Variants in KLRG2 observed in about 807,000 individuals in gnomAD.
KLRG2 encodes killer cell lectin-like receptor subfamily G member 2.
In KLRG2, 39 loss-of-function variants were observed where a neutral mutation model predicts 35.4. That is an observed-to-expected ratio of 1.10 (90% CI 0.85 to 1.44). KLRG2 has a LOEUF of 1.44. Ranked by LOEUF, KLRG2 falls within the 40% of genes most tolerant of loss-of-function variation. The probability of loss-of-function intolerance (pLI) is 0.00; values close to 1 mark genes in which losing one functional copy is unlikely to be tolerated. For missense variants in KLRG2, 632 were observed against 570.9 expected, an observed-to-expected ratio of 1.11 and a Z score of -1.09; for synonymous variants, 283 against 265.8, an observed-to-expected ratio of 1.06 and a Z score of -0.63.
At chr7:139,458,568 C>G (rs1351450732) in intron 3 of KLRG2, among the ~76,000 whole-genome samples, 1 of 152,176 alleles carries the variant, frequency 6.6e-6, no homozygotes, top group African/African-American at 2.4e-5. Flanking sequence ...TCCCCATCCC[C>G]CGCTGCACTG....
intron 3 of KLRG2, among the ~76,000 whole-genome samples, chr7:139,472,596 G>A (rs1186780051): frequency 1.3e-5 from 2 of 150,082 alleles, no homozygotes; most frequent in South Asian, 2.1e-4. Flanking sequence ...AAAAAAAAAA[G>A]AATGGGAAGA....
chr7:139,462,196 G>T (rs1796580536), intron 3 of KLRG2, among the ~76,000 whole-genome samples: 1 of 152,124 alleles, frequency 6.6e-6, no homozygotes, highest in Non-Finnish European at 1.5e-5. Context: ...TCTTCCCTTG[G>T]TGTTTAATCA....
In KLRG2 at chr7:139,453,419, T is replaced by C. The variant is rs1315129925; in HGVS notation, c.*168A>G. On this transcript the variant is annotated 3_prime_UTR_variant, in exon 5 of 5. Transcript: ENST00000340940. ...AAATCTCCTTTCCCTCGGATGCATCTTCCTGGGTTGAAGTCCAGCTCCTAG... is the reference window on the plus strand; with the variant it reads ...AAATCTCCTTTCCCTCGGATGCATCCTCCTGGGTTGAAGTCCAGCTCCTAG... 1.5e-6 allele frequency: 1 copy of C among 645,908 alleles called. No individual in the cohort carries two copies. Among genetic ancestry groups the C allele is most frequent in the African/African-American group, 1.8e-5 (1 of 54,198 alleles). The allele number at this position is 645,908 out of a possible 1,614,324, so 40.0% of individuals were successfully genotyped here.
chr7:139,435,761 G>A, the KLRG2 span, among the ~76,000 whole-genome samples: 5 of 152,336 alleles, frequency 3.3e-5, no homozygotes, highest in Middle Eastern at 3.4e-3. Flanking sequence ...CGTGCTGTGT[G>A]CATCAGCACA....
At chr7:139,450,882 C>T (rs886913812), downstream of KLRG2, among the ~76,000 whole-genome samples, 1 of 152,150 alleles carries the variant, frequency 6.6e-6, no homozygotes, top group Non-Finnish European at 1.5e-5. Flanking sequence ...CCATGTGACA[C>T]TGGGTGACTT....
chr7:139,466,819 T>G (rs1796664961), intron 3 of KLRG2, among the ~76,000 whole-genome samples: 1 of 150,250 alleles, frequency 6.7e-6, no homozygotes, highest in Non-Finnish European at 1.5e-5. Context: ...TAAATCAATC[T>G]GGCCTGGTAT....
At chr7:139,458,611 T>C (rs1000375181) in intron 3 of KLRG2, among the ~76,000 whole-genome samples, 14 of 152,174 alleles carry the variant, frequency 9.2e-5, no homozygotes, top group African/African-American at 3.4e-4. Flanking sequence ...TCTTCATCCA[T>C]GTCTGTTTTA....
chr7:139,473,557 G>A (rs1306989599), intron 3 of KLRG2, among the ~76,000 whole-genome samples: 1 of 151,996 alleles, frequency 6.6e-6, no homozygotes, highest in African/African-American at 2.4e-5. Flanking sequence ...CAACATTTGA[G>A]GAAATTTTCT....
the KLRG2 span, among the ~76,000 whole-genome samples, chr7:139,446,623 G>A: frequency 2.6e-5 from 4 of 152,090 alleles, no homozygotes; most frequent in African/African-American, 9.7e-5. Context: ...TTACAGGCGT[G>A]AGCCACCGCG....
chr7:139,444,447 G>T, the KLRG2 span, among the ~76,000 whole-genome samples: 1 of 152,180 alleles, frequency 6.6e-6, no homozygotes, highest in Non-Finnish European at 1.5e-5. Flanking sequence ...CTCCCAAATT[G>T]CTGGTATTAC....
At chr7:139,435,958 A>G in the KLRG2 span, among the ~76,000 whole-genome samples, 30 of 151,376 alleles carry the variant, frequency 2.0e-4, no homozygotes, top group South Asian at 4.2e-4. Context: ...CTGGAGTGCA[A>G]TGGCACAATC....
chr7:139,430,193 G>A, the KLRG2 span, among the ~76,000 whole-genome samples: 2 of 151,746 alleles, frequency 1.3e-5, no homozygotes, highest in African/African-American at 2.4e-5. Context: ...ACCTGAGGTC[G>A]GGAGTTCGAG....
chr7:139,430,350 C>T, the KLRG2 span, among the ~76,000 whole-genome samples: 25 of 151,482 alleles, frequency 1.7e-4, no homozygotes, highest in African/African-American at 5.8e-4. Flanking sequence ...TGTGGTGAGC[C>T]GAGATTGAGC....
chr7:139,458,851 G>A (rs950621394), intron 3 of KLRG2, among the ~76,000 whole-genome samples: 1 of 152,190 alleles, frequency 6.6e-6, no homozygotes, highest in African/African-American at 2.4e-5. Flanking sequence ...GATGAGCCAC[G>A]TCTATCCTGT....
chr7:139,438,331 A>G, the KLRG2 span, among the ~76,000 whole-genome samples: 2 of 152,160 alleles, frequency 1.3e-5, no homozygotes, highest in Non-Finnish European at 2.9e-5. Flanking sequence ...TCCTGGGCTC[A>G]AGTGATCCTC....
chr7:139,483,184 C>T lies in KLRG2; in HGVS notation c.459G>A (p.Val153=). The change falls in exon 1 of 5, where the codon GTG becomes GTA. Residue 153 remains valine, a synonymous_variant. Coordinates refer to ENST00000340940, the MANE Select transcript of KLRG2 (RefSeq NM_198508.4). The part of the protein sequence containing the change: ...SPRPSTRFLK[V]PVPESPAFSR... ...AGAAGGCAGGGGACTCGGGCACCGG[C>T]ACCTTGAGGAAGCGCGTGGAGGGCC... is the stretch of plus-strand genomic sequence containing the variant. The T allele has an allele frequency of 1.3e-6, 2 of 1,509,252 alleles. No homozygotes were observed. The highest frequency in any genetic ancestry group is 2.8e-5 in the East Asian group (1 of 36,048). 93.5% of individuals were successfully genotyped at this position (1,509,252 alleles called of 1,614,324 possible). A position where few individuals can be genotyped will look rare whatever the true frequency, so the allele number is the denominator to read the frequency against.
chr7:139,445,097 G>A, the KLRG2 span, among the ~76,000 whole-genome samples: 607 of 142,460 alleles, frequency 4.3e-3, 6 homozygotes, highest in African/African-American at 0.015. Context: ...TTTTTTTTTC[G>A]AGTTGGAGTC....
intron 3 of KLRG2, among the ~76,000 whole-genome samples, chr7:139,468,203 A>G (rs925142313): frequency 2.6e-5 from 4 of 152,054 alleles, no homozygotes; most frequent in African/African-American, 9.7e-5. Flanking sequence ...TGATCAATAA[A>G]TACTAAGGGA....
rs532019902 is a variant in KLRG2 at position 139,471,251 on chromosome 7, G to A, written c.1005+8376C>T. ...TGCTTATCTTTAGGTACGAGATAAT[G>A]AGTAAAATTTATTTTCTTTCTAAAT... On this transcript the variant is annotated intron_variant, in intron 3 of 4. Transcript: ENST00000340940. Among the ~76,000 whole-genome samples, 24 of 152,242 alleles carry A rather than the reference G, an allele frequency of 1.6e-4. 1 individual carries two copies. Among genetic ancestry groups the A allele is most frequent in the African/African-American group, 4.6e-4 (19 of 41,542 alleles).
Sources: allele counts gnomAD v4.1 joint callset (sites outside exome capture counted in the v4.1 genomes callset), GRCh38; gene constraint gnomAD v4.1.1; transcripts MANE v1.5; gene names NCBI Gene and HGNC (gene_info 2026-07-23, HGNC 2026-07-21).